Variants in FARP1 observed in about 807,000 individuals in gnomAD.
FARP1 encodes FERM, ARHGEF and pleckstrin domain-containing protein 1.
FARP1 carries 52 observed loss-of-function variants against 128.8 expected under a neutral mutation model. The ratio of observed to expected loss-of-function variants is 0.40; its 90% CI spans 0.32 to 0.51. The LOEUF is 0.51. Ranked by LOEUF, FARP1 falls within the 20% of genes least tolerant of loss-of-function variation. FARP1 has a pLI of 0.45. For missense variants in FARP1, 1,333 were observed against 1,367.9 expected (o/e 0.97, Z 0.40); for synonymous variants, 580 against 551.8 (o/e 1.05, Z -0.72).
chr13:98,403,990 C>T (rs1207328604), intron 13 of FARP1: 1 of 153,212 alleles, frequency 6.5e-6, no homozygotes, highest in Non-Finnish European at 1.5e-5. Flanking sequence ...CCAACCCAAA[C>T]ACTGCCTCCA....
At chr13:98,333,900 T>C (rs1351129771) in intron 2 of FARP1, 1 of 152,196 alleles carries the variant, frequency 6.6e-6, no homozygotes, top group East Asian at 1.9e-4. Flanking sequence ...TCCAGTCTGC[T>C]GTTCAGCTTT....
chr13:98,281,097 T>C (rs1884915276), intron 2 of FARP1, among the ~76,000 whole-genome samples: 1 of 152,254 alleles, frequency 6.6e-6, no homozygotes, highest in South Asian at 2.1e-4. Flanking sequence ...GGCTCATGCC[T>C]GTAATCCCAG....
At chr13:98,232,760 G>C (rs1425249430) in intron 2 of FARP1, among the ~76,000 whole-genome samples, 1 of 152,142 alleles carries the variant, frequency 6.6e-6, no homozygotes, top group Non-Finnish European at 1.5e-5. Context: ...CAAACTCATA[G>C]TATCTCCAAG....
In FARP1 at chr13:98,143,176, G is replaced by A. The variant is rs1346423729; in HGVS notation, c.-340G>A. On this transcript the variant is annotated 5_prime_UTR_variant, in exon 1 of 27. Coordinates refer to ENST00000319562, the MANE Select transcript of FARP1 (RefSeq NM_005766.4). ...GGCGCTCGGCTGGGGCGCGGGGCGG[G>A]GACGCGGCCGCTGCCCGCTTTGCGC... 2.0e-5 allele frequency: 3 copies of A among 148,078 alleles called. No homozygotes were observed. The highest frequency in any genetic ancestry group is 2.0e-4 in the East Asian group (1 of 5,092). The allele number at this position is 148,078 out of a possible 1,614,324, so 9.2% of individuals were successfully genotyped here.
chr13:98,340,948 A>C (rs1424803595), intron 2 of FARP1: 2 of 152,146 alleles, frequency 1.3e-5, no homozygotes, highest in Non-Finnish European at 2.9e-5. Context: ...TGCCTGGAGA[A>C]GAGGAGAGCT....
intron 23 of FARP1, 51 bp from the exon 24 acceptor site, chr13:98,440,619 G>A: frequency 1.3e-6 from 2 of 1,562,934 alleles, no homozygotes; most frequent in Non-Finnish European, 1.7e-6. Context: ...GTATCAGGAA[G>A]GGGCGCTGGG....
intron 19 of FARP1, chr13:98,435,944 C>A: frequency 1.7e-6 from 1 of 583,032 alleles, no homozygotes; most frequent in Non-Finnish European, 3.3e-6. Context: ...GGGTGATTCG[C>A]TTCTTTACCT....
chr13:98,213,296 A>T lies in FARP1; in HGVS notation c.54A>T (p.Glu18Asp). 6.2e-7 allele frequency: 1 copy of T among 1,614,122 alleles called. No homozygotes were observed. The highest frequency in any genetic ancestry group is 1.1e-5 in the South Asian group (1 of 91,064). The change falls in exon 2 of 27, where the codon GAA (glutamate) becomes GAT (aspartate). Residue 18 changes from glutamate to aspartate, a missense_variant. Coordinates refer to ENST00000319562, the MANE Select transcript of FARP1 (RefSeq NM_005766.4). ...CAGGATCACGACTGGGGGCCCCGGAAAATTCGGGGATCAGTACCTTGGAAC... is the reference window on the plus strand; with the variant it reads ...CAGGATCACGACTGGGGGCCCCGGATAATTCGGGGATCAGTACCTTGGAAC... The part of the protein sequence containing the change: ...PTPGSRLGAP[E>D]NSGISTLERG...
intron 1 of FARP1, among the ~76,000 whole-genome samples, chr13:98,200,396 C>CA (rs993759145): frequency 1.4e-5 from 2 of 147,044 alleles, no homozygotes; most frequent in African/African-American, 5.1e-5. Flanking sequence ...CACCCCCCCC[C>CA]CCTCCCCTTT....
chr13:98,269,646 C>T (rs1190968433), intron 2 of FARP1, among the ~76,000 whole-genome samples: 1 of 152,238 alleles, frequency 6.6e-6, no homozygotes, highest in East Asian at 1.9e-4. Flanking sequence ...ATTTAGCTTT[C>T]AGTGACTGCT....
rs71659549 is a variant in FARP1, at chr13:98,424,838, CAA to C, written c.1905+190_1905+191del. Among the ~76,000 whole-genome samples the C allele has an allele frequency of 6.4e-3, 971 of 152,180 alleles. 14 individuals carry two copies. Among genetic ancestry groups the C allele is most frequent in the African/African-American group, 0.022 (924 of 41,520 alleles). On this transcript the variant is annotated intron_variant, in intron 17 of 26. Transcript: ENST00000319562. ...GGACGGCTTTGAATGTGGCCCAACA[CAA>C]ATTCATAAACTTTCTTAAAACATTA...
chr13:98,242,473 C>T (rs1018371352), intron 2 of FARP1, among the ~76,000 whole-genome samples: 2 of 151,990 alleles, frequency 1.3e-5, no homozygotes, highest in African/African-American at 4.8e-5. Flanking sequence ...GCCAGGAGTT[C>T]GAGACCAGCC....
intron 3 of FARP1, among the ~76,000 whole-genome samples, chr13:98,361,847 T>G (rs1566917473): frequency 6.6e-6 from 1 of 152,314 alleles, no homozygotes; most frequent in East Asian, 1.9e-4. Flanking sequence ...CCTAAGCCAG[T>G]GTCCTGGGTT....
chr13:98,150,360 A>C (rs2139087436), intron 1 of FARP1, among the ~76,000 whole-genome samples: 1 of 152,228 alleles, frequency 6.6e-6, no homozygotes, highest in South Asian at 2.1e-4. Flanking sequence ...TTTTTTGTTC[A>C]GATTGTTTTA....
chr13:98,342,274 C>A (rs1182011122), intron 2 of FARP1, among the ~76,000 whole-genome samples: 1 of 152,154 alleles, frequency 6.6e-6, no homozygotes, highest in Non-Finnish European at 1.5e-5. Context: ...TTAATGTCCA[C>A]ATAAAACCTG....
chr13:98,241,793 C>T (rs758530852), intron 2 of FARP1, among the ~76,000 whole-genome samples: 17 of 152,108 alleles, frequency 1.1e-4, no homozygotes, highest in Non-Finnish European at 2.1e-4. Flanking sequence ...GTGGTGCATG[C>T]CTGTGATCTC....
chr13:98,176,837 C>T lies in FARP1; in HGVS notation c.-24+33345C>T. The stretch of plus-strand genomic sequence containing the variant: ...TCCCGACCCCGCAGTGCCTCCTGGA[C>T]CCGCTGGCTGCACTTGAGGATGGTC... On this transcript the variant is annotated intron_variant, in intron 1 of 26. Transcript: ENST00000319562. The surrounding 1 kb of genome is among the most constrained non-coding windows in gnomAD (Gnocchi z 6.2). 6.2e-7 allele frequency: 1 copy of T among 1,612,200 alleles called. No homozygotes were observed. The highest frequency in any genetic ancestry group is 8.5e-7 in the Non-Finnish European group (1 of 1,180,006).
intron 3 of FARP1, among the ~76,000 whole-genome samples, chr13:98,358,594 T>C (rs147584631): frequency 4.6e-5 from 7 of 152,320 alleles, no homozygotes; most frequent in Non-Finnish European, 8.8e-5. Flanking sequence ...AAAATTACTT[T>C]GAAACAAATT....
At chr13:98,360,950 TG>T (rs1361825593) in intron 3 of FARP1, among the ~76,000 whole-genome samples, 1 of 152,218 alleles carries the variant, frequency 6.6e-6, no homozygotes, top group African/African-American at 2.4e-5. Flanking sequence ...ATGGTGTTTT[TG>T]TTACCTTTTA....
Sources: allele counts gnomAD v4.1 joint callset (sites outside exome capture counted in the v4.1 genomes callset), GRCh38; gene constraint gnomAD v4.1.1; non-coding constraint Gnocchi (gnomAD v3.1); transcripts MANE v1.5; gene names NCBI Gene and HGNC (gene_info 2026-07-23, HGNC 2026-07-21).